KCTD1: variants seen among roughly 807,000 people sequenced by gnomAD.
KCTD1 encodes the protein BTB/POZ domain-containing protein KCTD1.
A neutral mutation model predicts 66.0 loss-of-function variants in KCTD1; 24 were observed. The ratio of observed to expected loss-of-function variants is 0.36; its 90% confidence interval spans 0.26 to 0.51. KCTD1 has a LOEUF of 0.51. Among genes scored for constraint, KCTD1 ranks in the 20% least tolerant of loss-of-function variants. KCTD1 has a pLI of 0.95. For missense variants in KCTD1, 943 were observed against 1,205.2 expected, an observed-to-expected ratio of 0.78 and a Z score of 3.22; for synonymous variants, 511 against 517.2, an observed-to-expected ratio of 0.99 and a Z score of 0.16.
chr18:26,647,715 A>C (rs12953536), intron 1 of KCTD1, among the ~76,000 whole-genome samples: 1 of 151,940 alleles, frequency 6.6e-6, no homozygotes, highest in Non-Finnish European at 1.5e-5. Flanking sequence ...TAAGGGAGAG[A>C]CCAATGTAGT....
chr18:26,504,183 C>T (rs8087050), intron 1 of KCTD1, among the ~76,000 whole-genome samples: 6,047 of 152,164 alleles, frequency 0.04, 179 homozygotes, highest in African/African-American at 0.088. Context: ...GATCCCCCCA[C>T]CTCAGCTTCC....
At position 26,535,971 on chromosome 18, in the gene KCTD1, C is replaced by CCAAAAAA. The variant is rs1322496086; in HGVS notation, c.1809+10756_1809+10757insTTTTTTG. ...CCCCCACAAGACTGAGTGATTCCTC[C>CCAAAAAA]AAAAAAAAAAAAAAAAGAAGATTTT... On this transcript the variant is annotated intron_variant, in intron 1 of 4. Transcript: ENST00000580059. Among the ~76,000 whole-genome samples, 405 of 122,758 alleles carry CCAAAAAA rather than the reference C, an allele frequency of 3.3e-3. 7 individuals are homozygous for CCAAAAAA. The highest frequency in any genetic ancestry group is 0.012 in the African/African-American group (383 of 32,576). 80.5% of individuals were successfully genotyped at this position (122,758 alleles called of 152,430 possible). A position where few individuals can be genotyped will look rare whatever the true frequency, so the allele number is the denominator to read the frequency against.
upstream of KCTD1, among the ~76,000 whole-genome samples, chr18:26,552,523 C>G (rs758429404): frequency 6.6e-6 from 1 of 152,190 alleles, no homozygotes; most frequent in Non-Finnish European, 1.5e-5. Flanking sequence ...ATCTGAAGCT[C>G]TGTATTAAAA....
intron 1 of KCTD1, among the ~76,000 whole-genome samples, chr18:26,532,783 A>T (rs1052777262): frequency 2.0e-5 from 3 of 152,204 alleles, no homozygotes; most frequent in Non-Finnish European, 4.4e-5. Flanking sequence ...AAGATGACAC[A>T]TTAAGAGGAG....
chr18:26,534,793 A>G (rs753411876), intron 1 of KCTD1, among the ~76,000 whole-genome samples: 1 of 152,156 alleles, frequency 6.6e-6, no homozygotes, highest in East Asian at 1.9e-4. Context: ...ACCCATAGAG[A>G]TATGAGTTTT....
intron 1 of KCTD1, among the ~76,000 whole-genome samples, chr18:26,556,505 AG>A (rs1985710992): frequency 6.6e-6 from 1 of 152,334 alleles, no homozygotes; most frequent in Non-Finnish European, 1.5e-5. Flanking sequence ...TAAACTAAAA[AG>A]CACAAAACAA....
Position 26,483,303 on chromosome 18 carries a change from C to G in KCTD1, c.1989-6644G>C, listed in dbSNP as rs550048035. ...TTTTTGTTTGAGAGTGAGTCTCGCT[C>G]TATCACCCAGGCTGGAGTGCAGTGG... On this transcript the variant is annotated intron_variant, in intron 2 of 4. Transcript: ENST00000580059. Among the ~76,000 whole-genome samples, 5 of 152,274 alleles carry G rather than the reference C, an allele frequency of 3.3e-5. No individual in the cohort carries two copies. In the East Asian group the frequency reaches 9.6e-4, roughly 29 times the overall value.
At chr18:26,606,716 C>T (rs1249270593) in intron 1 of KCTD1, among the ~76,000 whole-genome samples, 1 of 152,210 alleles carries the variant, frequency 6.6e-6, no homozygotes, top group African/African-American at 2.4e-5. Context: ...TGGCCGACCT[C>T]AGCTCTGTAA....
chr18:26,493,260 G>C (rs976646848), intron 2 of KCTD1, among the ~76,000 whole-genome samples: 2 of 152,202 alleles, frequency 1.3e-5, no homozygotes, highest in African/African-American at 4.8e-5. Context: ...GGGTGCAAAT[G>C]TGCGATGTCT....
At position 26,476,264 on chromosome 18, in the gene KCTD1, T is replaced by A. The variant is rs899253639; in HGVS notation, c.2133+251A>T. ...GACATATCAGAAATGAGCTTTGAATTTAATCAACTCCTTTTCAATTTGTTC... is the reference window on the plus strand; with the variant it reads ...GACATATCAGAAATGAGCTTTGAATATAATCAACTCCTTTTCAATTTGTTC... On this transcript the variant is annotated intron_variant, in intron 3 of 4. Coordinates refer to ENST00000580059, the MANE Select transcript of KCTD1 (RefSeq NM_001142730.3). The surrounding 1 kb of genome is among the most constrained non-coding windows in gnomAD (Gnocchi z 4.9). Among the ~76,000 whole-genome samples the A allele has an allele frequency of 8.5e-5, 13 of 152,344 alleles. No individual in the cohort carries two copies. Among genetic ancestry groups the A allele is most frequent in the Middle Eastern group, 3.4e-3 (1 of 294 alleles).
chr18:26,502,735 G>T (rs1567970694), intron 1 of KCTD1, among the ~76,000 whole-genome samples: 1 of 152,154 alleles, frequency 6.6e-6, no homozygotes, highest in South Asian at 2.1e-4. Context: ...TATACTCTCA[G>T]ATTTATAATT....
At chr18:26,575,128 CAGAA>C in intron 1 of KCTD1, 1 of 152,182 alleles carries the variant, frequency 6.6e-6, no homozygotes. Flanking sequence ...ACTCCTGTTG[CAGAA>C]AGAAACAGGT....
chr18:26,555,844 A>G (rs920088933), intron 1 of KCTD1, among the ~76,000 whole-genome samples: 3 of 152,224 alleles, frequency 2.0e-5, no homozygotes, highest in Admixed American at 1.3e-4. Context: ...ATGTACTTAA[A>G]GGGCAAAACA....
At chr18:26,459,532 T>G in intron 4 of KCTD1, 88 bp downstream of exon 4, 2 of 1,311,022 alleles carry the variant, frequency 1.5e-6, no homozygotes, top group Non-Finnish European at 2.1e-6. Flanking sequence ...TCTAAGCTCT[T>G]TGGAGGAAAG....
intron 3 of KCTD1, among the ~76,000 whole-genome samples, chr18:26,465,931 T>C (rs1008434373): frequency 5.3e-5 from 8 of 152,232 alleles, no homozygotes; most frequent in Non-Finnish European, 1.2e-4. Flanking sequence ...AGACCACGGA[T>C]ACAGCCTCGG....
intron 1 of KCTD1, among the ~76,000 whole-genome samples, chr18:26,524,784 T>A (rs1397131192): frequency 1.3e-5 from 2 of 152,146 alleles, no homozygotes; most frequent in Non-Finnish European, 2.9e-5. Context: ...AGAGTCATTT[T>A]TCATGGTATA....
At chr18:26,657,296 C>G (rs890807353) in intron 1 of KCTD1, 322 of 980,550 alleles carry the variant, frequency 3.3e-4, no homozygotes, top group Admixed American at 4.3e-4. Flanking sequence ...AAGCGAGTTG[C>G]GCCCAAAGTC....
rs541645226 is a variant in KCTD1 at position 26,502,585 on chromosome 18, T to C, written c.1810-1335A>G. Among the ~76,000 whole-genome samples the C allele has an allele frequency of 4.6e-5, 7 of 152,372 alleles. No homozygotes were observed. In the South Asian group the frequency reaches 1.4e-3, roughly 32 times the overall value. The stretch of plus-strand genomic sequence containing the variant: ...TGCTATCAAAACACGGTTGTTTGCT[T>C]TTCAATTAGAGCCCAAACCACAGAC... On this transcript the variant is annotated intron_variant, in intron 1 of 4. Coordinates refer to ENST00000580059, the MANE Select transcript of KCTD1 (RefSeq NM_001142730.3).
chr18:26,548,358 TCTTCC>T lies in KCTD1; in HGVS notation c.174_178del (p.Glu59GlyfsTer181). 6.7e-7 allele frequency: 1 copy of T among 1,485,516 alleles called. No individual in the cohort carries two copies. Among genetic ancestry groups the T allele is most frequent in the Non-Finnish European group, 8.9e-7 (1 of 1,119,538 alleles). The allele number at this position is 1,485,516 out of a possible 1,614,324, so 92.0% of individuals were successfully genotyped here. A position where few individuals can be genotyped will look rare whatever the true frequency, so the allele number is the denominator to read the frequency against. On this transcript the variant is annotated frameshift_variant, in exon 1 of 5. Coordinates refer to ENST00000580059, the MANE Select transcript of KCTD1 (RefSeq NM_001142730.3). LOFTEE classifies it high-confidence loss of function. Reference sequence around the variant, plus strand: ...CTCCTGGATCTCGTCCTCCTCCTCCTCTTCCTCCTCCTCCTCGCCCGCGCTGCAGT... The same window carrying T: ...CTCCTGGATCTCGTCCTCCTCCTCCTTCCTCCTCCTCGCCCGCGCTGCAGT...
Sources: allele counts gnomAD v4.1 joint callset (sites outside exome capture counted in the v4.1 genomes callset), GRCh38; gene constraint gnomAD v4.1.1; non-coding constraint Gnocchi (gnomAD v3.1); transcripts MANE v1.5; gene names NCBI Gene and HGNC (gene_info 2026-07-23, HGNC 2026-07-21).